The following PDZRN3 variants were observed in gnomAD, a reference collection of about 807,000 sequenced individuals.
PDZRN3 encodes E3 ubiquitin-protein ligase PDZRN3.
PDZRN3 carries 38 observed loss-of-function variants against 85.7 expected under a neutral mutation model. That is an observed-to-expected ratio of 0.44 (90% confidence interval 0.34 to 0.58). The LOEUF (loss-of-function observed/expected upper bound fraction) is 0.58. Among genes scored for constraint, PDZRN3 ranks in the 20% least tolerant of loss-of-function variants. PDZRN3 has a pLI of 0.01. For synonymous variants in PDZRN3, 759 were observed against 638.0 expected (o/e 1.19, Z -2.86); for missense variants, 1,629 against 1,506.4 (o/e 1.08, Z -1.35).
intron 3 of PDZRN3, among the ~76,000 whole-genome samples, chr3:73,577,307 C>G (rs1043315085): frequency 6.6e-6 from 1 of 152,156 alleles, no homozygotes; most frequent in Non-Finnish European, 1.5e-5. Context: ...ACTCATGCTC[C>G]CTTTACTCAC....
intron 3 of PDZRN3, among the ~76,000 whole-genome samples, chr3:73,469,215 G>C (rs1703285176): frequency 6.6e-6 from 1 of 151,900 alleles, no homozygotes; most frequent in Non-Finnish European, 1.5e-5. Context: ...TGGAATTACA[G>C]GTGCCCACCA....
At chr3:73,615,446 A>G (rs1417839946) in intron 1 of PDZRN3, among the ~76,000 whole-genome samples, 3 of 152,160 alleles carry the variant, frequency 2.0e-5, no homozygotes, top group Non-Finnish European at 4.4e-5. Flanking sequence ...CTAAATGTTT[A>G]TGTGCCCTCA....
chr3:73,512,447 A>G (rs1239766861), intron 3 of PDZRN3, among the ~76,000 whole-genome samples: 1 of 152,222 alleles, frequency 6.6e-6, no homozygotes, highest in Non-Finnish European at 1.5e-5. Context: ...AACATTGCAT[A>G]TATTTATGTG....
At chr3:73,564,872 G>A (rs1242396669) in intron 3 of PDZRN3, among the ~76,000 whole-genome samples, 1 of 152,276 alleles carries the variant, frequency 6.6e-6, no homozygotes, top group Admixed American at 6.5e-5. Context: ...CAGCTAATAG[G>A]TGTAAGCATG....
rs954620508 is a variant in PDZRN3 at position 73,398,838 on chromosome 3, A to G, written c.1254+2084T>C. Among the ~76,000 whole-genome samples the G allele has an allele frequency of 3.9e-5, 6 of 152,312 alleles. No individual in the cohort carries two copies. In the East Asian group the frequency reaches 1.2e-3, roughly 29 times the overall value. On this transcript the variant is annotated intron_variant, in intron 5 of 9. Coordinates refer to ENST00000263666, the MANE Select transcript of PDZRN3 (RefSeq NM_015009.3). Reference sequence around the variant, plus strand: ...TGTATGGGATTTTCTATTTAAGGCAATGGATGCTGACTTTCTGCTTGACGC... The same window carrying G: ...TGTATGGGATTTTCTATTTAAGGCAGTGGATGCTGACTTTCTGCTTGACGC...
intron 3 of PDZRN3, among the ~76,000 whole-genome samples, chr3:73,447,788 C>G (rs940491249): frequency 6.6e-6 from 1 of 152,180 alleles, no homozygotes; most frequent in Non-Finnish European, 1.5e-5. Flanking sequence ...GTTCTTTCTC[C>G]TAAAGACCAC....
intron 3 of PDZRN3, among the ~76,000 whole-genome samples, chr3:73,575,543 T>C (rs1285992340): frequency 6.6e-6 from 1 of 152,222 alleles, no homozygotes; most frequent in Non-Finnish European, 1.5e-5. Flanking sequence ...CCAAATTTCA[T>C]AATGTTTACT....
Position 73,384,052 on chromosome 3 carries a change from T to C in PDZRN3, c.2514A>G (p.Lys838=), listed in dbSNP as rs780452156. ...ELDPNQPLES[K]ERRASDGSRS... is the part of the protein sequence containing the mutation. ...GGCTCCCGTCGCTGGCTCTCCGCTC[T>C]TTGCTTTCCAGGGGCTGGTTGGGGT... Residue 838 remains lysine, a synonymous_variant, in exon 10 of 10, where the codon AAA becomes AAG. Transcript: ENST00000263666. The C allele has an allele frequency of 1.2e-6, 2 of 1,606,480 alleles. No individual in the cohort carries two copies. The highest frequency in any genetic ancestry group is 1.3e-5 in the African/African-American group (1 of 74,702).
chr3:73,600,144 T>C (rs572230160), intron 3 of PDZRN3, among the ~76,000 whole-genome samples: 39 of 152,164 alleles, frequency 2.6e-4, no homozygotes, highest in Non-Finnish European at 4.4e-4. Context: ...AGAGGAACTC[T>C]GCAGCAAAGA....
Position 73,440,521 on chromosome 3 carries a change from G to A in PDZRN3, c.919-36126C>T, listed in dbSNP as rs116557953. The stretch of plus-strand genomic sequence containing the variant: ...CTGAGGGGCCTGAGGCCTCACGGAC[G>A]CCCCGTGAGACACCTTGACTCCTTG... On this transcript the variant is annotated intron_variant, in intron 3 of 9. Coordinates refer to ENST00000263666, the MANE Select transcript of PDZRN3 (RefSeq NM_015009.3). Among the ~76,000 whole-genome samples, 662 of 152,260 alleles carry A rather than the reference G, an allele frequency of 4.3e-3. 4 individuals carry two copies. The highest frequency in any genetic ancestry group is 0.015 in the African/African-American group (627 of 41,554).
intron 4 of PDZRN3, 78 bp from the exon 5 acceptor site, chr3:73,401,087 G>A (rs1223567785): frequency 9.6e-7 from 1 of 1,044,132 alleles, no homozygotes; most frequent in Non-Finnish European, 1.5e-6. Context: ...TGTCAGGCCA[G>A]TGGCACAGTA....
intron 3 of PDZRN3, among the ~76,000 whole-genome samples, chr3:73,431,463 C>T (rs1220665446): frequency 6.6e-6 from 1 of 152,186 alleles, no homozygotes; most frequent in South Asian, 2.1e-4. Flanking sequence ...TTACTGAAGC[C>T]AGACGCACCG....
chr3:73,555,600 T>C (rs1188051567), intron 3 of PDZRN3, among the ~76,000 whole-genome samples: 1 of 152,214 alleles, frequency 6.6e-6, no homozygotes, highest in Non-Finnish European at 1.5e-5. Flanking sequence ...AATTCCACAT[T>C]GCTTGAGTCT....
rs1702502239 is a variant in PDZRN3, at chr3:73,600,573, T to A, written c.918+1781A>T. ...TCTTTCCATCTCAACACTACATGATTAATATTTTACATACTGTCCAAAATA... is the reference window on the plus strand; with the variant it reads ...TCTTTCCATCTCAACACTACATGATAAATATTTTACATACTGTCCAAAATA... On this transcript the variant is annotated intron_variant, in intron 3 of 9. Transcript: ENST00000263666. Among the ~76,000 whole-genome samples, 3 of 152,278 alleles carry A rather than the reference T, an allele frequency of 2.0e-5. No homozygotes were observed. The South Asian group carries it at 6.2e-4, about 32-fold the overall frequency.
At chr3:73,391,840 G>A (rs112076001) in intron 5 of PDZRN3, among the ~76,000 whole-genome samples, 12 of 152,212 alleles carry the variant, frequency 7.9e-5, no homozygotes, top group African/African-American at 2.4e-4. Flanking sequence ...TCACTCCCCC[G>A]CCCACTCTGC....
chr3:73,471,307 C>A (rs766962434), intron 3 of PDZRN3, among the ~76,000 whole-genome samples: 2 of 152,160 alleles, frequency 1.3e-5, no homozygotes, highest in Non-Finnish European at 2.9e-5. Flanking sequence ...AGGTCCCCCC[C>A]CAGGTTTCAC....
rs1017312382 is a variant in PDZRN3, at chr3:73,407,955, A to G, written c.919-3560T>C. 3 of 591,326 alleles carry G rather than the reference A, an allele frequency of 5.1e-6. No individual in the cohort carries two copies. In the African/African-American group the frequency reaches 5.6e-5, roughly 11 times the overall value. The allele number at this position is 591,326 out of a possible 1,614,324, so 36.6% of individuals were successfully genotyped here. ...AGAGCAGTAGCAACCCCAAAGGGAG[A>G]ACTGGGACTTTGGGGTGACTGAGAA... On this transcript the variant is annotated intron_variant, in intron 3 of 9. Transcript: ENST00000263666.
chr3:73,489,140 A>AG (rs1200433232), intron 3 of PDZRN3, among the ~76,000 whole-genome samples: 3 of 152,212 alleles, frequency 2.0e-5, no homozygotes, highest in Non-Finnish European at 4.4e-5. Flanking sequence ...GACTAGCAGG[A>AG]GAGGTACCCA....
intron 3 of PDZRN3, among the ~76,000 whole-genome samples, chr3:73,429,186 T>C (rs939940555): frequency 6.6e-6 from 1 of 152,164 alleles, no homozygotes; most frequent in Non-Finnish European, 1.5e-5. Flanking sequence ...GCTGGGATTA[T>C]AGGGCATGAG....
Sources: gnomAD v4.1 joint callset for allele counts (sites outside exome capture counted in the v4.1 genomes callset) on GRCh38, gnomAD v4.1.1 for gene constraint, MANE v1.5 for transcripts, NCBI Gene and HGNC (gene_info 2026-07-23, HGNC 2026-07-21) for gene names.